CCNY: variants seen among roughly 807,000 people sequenced by gnomAD.
CCNY encodes cyclin Y, also known as cyclin-Y.
CCNY carries 19 observed loss-of-function variants against 42.8 expected under a neutral mutation model. The observed-to-expected ratio is 0.44, with a 90% CI of 0.31 to 0.65. The LOEUF (loss-of-function observed/expected upper bound fraction) is 0.65. Among genes scored for constraint, CCNY ranks in the 30% least tolerant of loss-of-function variants. The pLI is 0.07. For missense variants in CCNY, 370 were observed against 437.3 expected, an observed-to-expected ratio of 0.85 and a Z score of 1.37; for synonymous variants, 165 against 162.7, an observed-to-expected ratio of 1.01 and a Z score of -0.11.
chr10:35,365,622 T>C (rs2135164148), intron 1 of CCNY, among the ~76,000 whole-genome samples: 1 of 152,330 alleles, frequency 6.6e-6, no homozygotes, highest in East Asian at 1.9e-4. Flanking sequence ...ATTTAATCTT[T>C]GTATGCTTAG....
chr10:35,453,277 A>G (rs1014416103), intron 1 of CCNY, among the ~76,000 whole-genome samples: 13 of 152,222 alleles, frequency 8.5e-5, no homozygotes, highest in Non-Finnish European at 1.8e-4. Flanking sequence ...AGCATGATAA[A>G]CAGAAGTATT....
chr10:35,424,806 A>G (rs893631116), intron 1 of CCNY, among the ~76,000 whole-genome samples: 3 of 152,182 alleles, frequency 2.0e-5, no homozygotes, highest in Non-Finnish European at 2.9e-5. Context: ...ACTTGTGTAC[A>G]GTGTGTTCTT....
chr10:35,338,182 A>G (rs1836093733), intron 1 of CCNY, among the ~76,000 whole-genome samples: 1 of 152,204 alleles, frequency 6.6e-6, no homozygotes, highest in African/African-American at 2.4e-5. Flanking sequence ...TTTTGTGTGA[A>G]TGAATGAACA....
At chr10:35,250,795 C>A (rs906971290) in intron 3 of CCNY, among the ~76,000 whole-genome samples, 2 of 152,164 alleles carry the variant, frequency 1.3e-5, no homozygotes, top group African/African-American at 4.8e-5. Context: ...AATGAAAATA[C>A]ATCTGGGAAG....
intron 1 of CCNY, among the ~76,000 whole-genome samples, chr10:35,396,572 G>A (rs1269242338): frequency 2.0e-5 from 3 of 152,358 alleles, no homozygotes; most frequent in East Asian, 1.9e-4. Context: ...TCTCTGTTGC[G>A]TGTTCTCGGC....
intron 7 of CCNY, among the ~76,000 whole-genome samples, chr10:35,539,333 T>A (rs1840949239): frequency 6.6e-6 from 1 of 152,246 alleles, no homozygotes; most frequent in African/African-American, 2.4e-5. Flanking sequence ...GGAATTGCAT[T>A]GACTATGTAG....
At chr10:35,566,284 C>T in intron 9 of CCNY, 99 bp downstream of exon 9, 1 of 1,209,518 alleles carries the variant, frequency 8.3e-7, no homozygotes. Context: ...TCCCCCACTA[C>T]ATGATGTAAA....
intron 1 of CCNY, among the ~76,000 whole-genome samples, chr10:35,371,774 C>G (rs1474014223): frequency 6.6e-6 from 1 of 152,090 alleles, no homozygotes; most frequent in African/African-American, 2.4e-5. Flanking sequence ...GAAGGGTGGT[C>G]AGAGCTAGGG....
rs186854882 is a variant in CCNY, at chr10:35,568,173, G to A, written c.910-881G>A. 4.7e-4 allele frequency among the ~76,000 whole-genome samples: 71 copies of A among 152,310 alleles called. 2 individuals are homozygous for A. Among genetic ancestry groups the A allele is most frequent in the Admixed American group, 4.0e-3 (61 of 15,304 alleles). Reference sequence around the variant, plus strand: ...TCTGGGGCTCTGAGTCAGTCACCCTGAGAGCACAGGCCGAGGTTGGTGGAG... The same window carrying A: ...TCTGGGGCTCTGAGTCAGTCACCCTAAGAGCACAGGCCGAGGTTGGTGGAG... On this transcript the variant is annotated intron_variant, in intron 9 of 9. Coordinates refer to ENST00000374704, the MANE Select transcript of CCNY (RefSeq NM_145012.6).
intron 1 of CCNY, among the ~76,000 whole-genome samples, chr10:35,378,794 A>G (rs866687819): frequency 1.3e-5 from 2 of 152,148 alleles, no homozygotes; most frequent in Admixed American, 6.5e-5. Flanking sequence ...GGTGAGGGAA[A>G]TGAGACCCAG....
intron 1 of CCNY, among the ~76,000 whole-genome samples, chr10:35,342,991 C>T (rs1836216764): frequency 6.7e-6 from 1 of 148,736 alleles, no homozygotes; most frequent in Non-Finnish European, 1.5e-5. Flanking sequence ...CTTTTACTTT[C>T]CTGCCTGCCT....
At chr10:35,519,990 G>C (rs1024341947) in intron 4 of CCNY, among the ~76,000 whole-genome samples, 2 of 151,874 alleles carry the variant, frequency 1.3e-5, no homozygotes, top group African/African-American at 4.8e-5. Flanking sequence ...TGTTGCGTAG[G>C]CTGGGCTCAA....
intron 1 of CCNY, among the ~76,000 whole-genome samples, chr10:35,371,660 G>A (rs1265768835): frequency 6.6e-6 from 1 of 152,180 alleles, no homozygotes; most frequent in Non-Finnish European, 1.5e-5. Context: ...GCACAGTAGA[G>A]ATGCTGTAAC....
intron 3 of CCNY, among the ~76,000 whole-genome samples, chr10:35,286,362 CT>C (rs546422909): frequency 1.6e-3 from 232 of 141,660 alleles, no homozygotes; most frequent in Middle Eastern, 3.7e-3. Context: ...TTTTACCATA[CT>C]TTTTTTTTTT....
At chr10:35,307,607 TA>T (rs1835622485) in intron 3 of CCNY, among the ~76,000 whole-genome samples, 1 of 151,892 alleles carries the variant, frequency 6.6e-6, no homozygotes, top group Non-Finnish European at 1.5e-5. Context: ...CTGGGCTAAA[TA>T]ACCTTCCATG....
At chr10:35,423,447 GCCTGAGTGA>G (rs1838201749) in intron 1 of CCNY, among the ~76,000 whole-genome samples, 1 of 149,906 alleles carries the variant, frequency 6.7e-6, no homozygotes, top group South Asian at 2.1e-4. Context: ...ATGCACTCCA[GCCTGAGTGA>G]CAGAGGGAGA....
At chr10:35,456,061 T>C (rs1003201385) in intron 1 of CCNY, among the ~76,000 whole-genome samples, 1 of 152,170 alleles carries the variant, frequency 6.6e-6, no homozygotes, top group Non-Finnish European at 1.5e-5. Context: ...GCCCAGTATT[T>C]TTCTGCTCAT....
intron 3 of CCNY, among the ~76,000 whole-genome samples, chr10:35,311,156 A>T (rs1835679372): frequency 6.6e-6 from 1 of 151,884 alleles, no homozygotes; most frequent in Non-Finnish European, 1.5e-5. Flanking sequence ...CTACAAAAGC[A>T]AAATAATTAA....
At chr10:35,428,556 G>C (rs1838318895) in intron 1 of CCNY, among the ~76,000 whole-genome samples, 2 of 152,160 alleles carry the variant, frequency 1.3e-5, no homozygotes, top group Admixed American at 1.3e-4. Context: ...TTTTTACTTA[G>C]AGGAGTGAGA....
Sources: allele counts gnomAD v4.1 joint callset (sites outside exome capture counted in the v4.1 genomes callset), GRCh38; gene constraint gnomAD v4.1.1; transcripts MANE v1.5; gene names NCBI Gene and HGNC (gene_info 2026-07-23, HGNC 2026-07-21).